Variants in TANC2 observed in about 807,000 individuals in gnomAD.
The protein encoded by TANC2 is protein TANC2.
In TANC2, 26 loss-of-function variants were observed where a neutral mutation model predicts 210.5. That is an observed-to-expected ratio of 0.12 (90% CI 0.09 to 0.17). The LOEUF (loss-of-function observed/expected upper bound fraction) is 0.17. Among genes scored for constraint, TANC2 ranks in the 10% least tolerant of loss-of-function variants. TANC2 has a pLI of 1.00. For synonymous variants in TANC2, 931 were observed against 967.1 expected (o/e 0.96, Z 0.69); for missense variants, 2,129 against 2,608.9 (o/e 0.82, Z 4.01).
intron 4 of TANC2, 93 bp downstream of exon 4, chr17:63,099,450 G>T: frequency 6.5e-6 from 6 of 923,074 alleles, no homozygotes; most frequent in African/African-American, 1.7e-5. Context: ...GCATCTTTAG[G>T]TTTTTCCTCT....
chr17:63,423,991 CT>C (rs1186402203), exon 28 of TANC2: 2 of 152,252 alleles, frequency 1.3e-5, no homozygotes, highest in Non-Finnish European at 2.9e-5. Flanking sequence ...GCCCAGTGGC[CT>C]CTCAGATTGC....
intron 7 of TANC2, among the ~76,000 whole-genome samples, chr17:63,232,392 C>T (rs951098927): frequency 5.9e-5 from 9 of 152,236 alleles, no homozygotes; most frequent in South Asian, 2.1e-4. Flanking sequence ...TTCGTGAGTT[C>T]GTCTAGCTTC....
chr17:63,085,748 C>G (rs2036939863), intron 3 of TANC2, among the ~76,000 whole-genome samples: 1 of 151,996 alleles, frequency 6.6e-6, no homozygotes, highest in Non-Finnish European at 1.5e-5. Flanking sequence ...CATACATAAT[C>G]AAATATATTG....
rs189338274 is a variant in TANC2, at chr17:63,168,311, T to G, written c.433+16931T>G. ...TTTCAAGAGATGAGGTCCTGTGATTTCATATAATTTTGTGTGGCTTCCCTA... is the reference window on the plus strand; with the variant it reads ...TTTCAAGAGATGAGGTCCTGTGATTGCATATAATTTTGTGTGGCTTCCCTA... On this transcript the variant is annotated intron_variant, in intron 5 of 27. Coordinates refer to ENST00000689528, the Ensembl canonical transcript of TANC2. 9.2e-5 allele frequency among the ~76,000 whole-genome samples: 14 copies of G among 152,320 alleles called. 1 individual carries two copies. The South Asian group carries it at 1.7e-3, about 18-fold the overall frequency.
exon 28 of TANC2, chr17:63,424,758 ATGTCT>A (rs1405592056): frequency 4.6e-5 from 7 of 152,318 alleles, no homozygotes; most frequent in Middle Eastern, 3.4e-3. Context: ...AGTGTGAGTA[ATGTCT>A]TCATTAGAAA....
chr17:63,210,675 C>T (rs1217147577), intron 7 of TANC2, among the ~76,000 whole-genome samples: 3 of 152,016 alleles, frequency 2.0e-5, no homozygotes, highest in African/African-American at 4.8e-5. Flanking sequence ...TAAAGAGTAA[C>T]CTTTTTTTCT....
At chr17:63,240,656 T>G (rs2042749135) in intron 8 of TANC2, among the ~76,000 whole-genome samples, 1 of 152,152 alleles carries the variant, frequency 6.6e-6, no homozygotes, top group Admixed American at 6.5e-5. Context: ...AGCAAGCTGG[T>G]TAATTTAATG....
At chr17:63,302,411 C>T (rs941862173) in intron 9 of TANC2, among the ~76,000 whole-genome samples, 6 of 151,946 alleles carry the variant, frequency 3.9e-5, no homozygotes, top group Non-Finnish European at 8.8e-5. Context: ...GTGTGGGAAT[C>T]TAAGTCTCTG....
chr17:63,110,088 T>A (rs1249036021), intron 4 of TANC2, among the ~76,000 whole-genome samples: 1 of 151,726 alleles, frequency 6.6e-6, no homozygotes, highest in Admixed American at 6.6e-5. Context: ...TTACTCTTCC[T>A]TGTGACCCCT....
intron 7 of TANC2, among the ~76,000 whole-genome samples, chr17:63,208,112 A>G (rs561668768): frequency 5.7e-4 from 87 of 152,184 alleles, no homozygotes; most frequent in African/African-American, 2.1e-3. Context: ...TTTATTTTTT[A>G]ATAGGAAGCC....
chr17:62,990,240 G>A (rs1444322472), intron 1 of TANC2, among the ~76,000 whole-genome samples: 1 of 152,140 alleles, frequency 6.6e-6, no homozygotes, highest in Non-Finnish European at 1.5e-5. Context: ...ATAGATGACA[G>A]CAAAGGCAAT....
intron 26 of TANC2, among the ~76,000 whole-genome samples, chr17:63,417,091 G>A (rs1239991657): frequency 6.6e-6 from 1 of 152,198 alleles, no homozygotes; most frequent in African/African-American, 2.4e-5. Context: ...GCAGGGAGAG[G>A]GTGACCCATA....
At chr17:63,301,430 C>T (rs746571796) in intron 9 of TANC2, among the ~76,000 whole-genome samples, 13 of 152,212 alleles carry the variant, frequency 8.5e-5, no homozygotes, top group Non-Finnish European at 1.5e-4. Flanking sequence ...AGTTGGTAGA[C>T]TCTTAATTAT....
At chr17:63,399,028 TG>T in intron 19 of TANC2, 114 bp downstream of exon 19, 1 of 681,940 alleles carries the variant, frequency 1.5e-6, no homozygotes, top group Non-Finnish European at 2.4e-6. Flanking sequence ...CTCAGGCTTT[TG>T]TAATGCAGAC....
intron 9 of TANC2, among the ~76,000 whole-genome samples, chr17:63,268,425 A>G (rs2043595775): frequency 1.3e-5 from 2 of 152,230 alleles, no homozygotes; most frequent in South Asian, 2.1e-4. Flanking sequence ...CCTTCAAGCT[A>G]TGTGTATAAG....
chr17:63,024,353 G>T (rs2144046036), intron 2 of TANC2, among the ~76,000 whole-genome samples: 1 of 152,256 alleles, frequency 6.6e-6, no homozygotes, highest in East Asian at 1.9e-4. Context: ...CTCCTTTTTA[G>T]ACCATATAGG....
chr17:62,989,530 C>T (rs1469246252), intron 1 of TANC2, among the ~76,000 whole-genome samples: 1 of 152,140 alleles, frequency 6.6e-6, no homozygotes, highest in Non-Finnish European at 1.5e-5. Flanking sequence ...CACAGGCATA[C>T]TAAACCTGTT....
At chr17:62,994,521 G>C (rs552124820) in intron 1 of TANC2, among the ~76,000 whole-genome samples, 169 of 152,174 alleles carry the variant, frequency 1.1e-3, no homozygotes, top group African/African-American at 3.8e-3. Context: ...GACTGAGGAT[G>C]TTTCTTTCTA....
At chr17:63,334,308 C>CA in intron 11 of TANC2, among the ~76,000 whole-genome samples, 1 of 151,970 alleles carries the variant, frequency 6.6e-6, no homozygotes, top group East Asian at 1.9e-4. Flanking sequence ...AGAACTTGCT[C>CA]AAAAAAAGAT....
Sources: allele counts gnomAD v4.1 joint callset (sites outside exome capture counted in the v4.1 genomes callset), GRCh38; gene constraint gnomAD v4.1.1; transcripts MANE v1.5; gene names NCBI Gene and HGNC (gene_info 2026-07-23, HGNC 2026-07-21).